Variants in EPB41L4A observed in about 807,000 individuals in gnomAD.
EPB41L4A encodes band 4.1-like protein 4A.
Under a neutral mutation model 108.6 loss-of-function variants are expected in EPB41L4A, and 100 were observed. The ratio of observed to expected loss-of-function variants is 0.92; its 90% CI spans 0.78 to 1.09. EPB41L4A has a LOEUF of 1.09. Ranked by LOEUF, EPB41L4A falls within the 50% of genes least tolerant of loss-of-function variation. The pLI is 0.00. For missense variants in EPB41L4A, 1,030 were observed against 842.7 expected (o/e 1.22, Z -2.75); for synonymous variants, 319 against 289.0 (o/e 1.10, Z -1.05).
intron 2 of EPB41L4A, among the ~76,000 whole-genome samples, chr5:112,293,132 G>A (rs1308925098): frequency 1.3e-5 from 2 of 151,986 alleles, no homozygotes; most frequent in African/African-American, 4.8e-5. Flanking sequence ...GTATGTATAT[G>A]TTGACATTTC....
chr5:112,193,760 G>A (rs1027128808), intron 17 of EPB41L4A, among the ~76,000 whole-genome samples: 2 of 152,218 alleles, frequency 1.3e-5, no homozygotes, highest in Admixed American at 6.5e-5. Context: ...TGCATCGCAC[G>A]ATGTTTAGCA....
intron 4 of EPB41L4A, among the ~76,000 whole-genome samples, chr5:112,270,431 G>A (rs561368527): frequency 1.7e-4 from 26 of 152,184 alleles, no homozygotes; most frequent in African/African-American, 6.3e-4. Context: ...TTAAATATGA[G>A]AGTCAAAGGG....
At chr5:112,200,757 T>C (rs1191275757) in intron 15 of EPB41L4A, among the ~76,000 whole-genome samples, 1 of 152,202 alleles carries the variant, frequency 6.6e-6, no homozygotes, top group African/African-American at 2.4e-5. Flanking sequence ...TGTTTATATG[T>C]ATTTAAATAT....
chr5:112,174,427 T>C (rs1025304317), intron 18 of EPB41L4A, among the ~76,000 whole-genome samples: 1 of 152,230 alleles, frequency 6.6e-6, no homozygotes, highest in Non-Finnish European at 1.5e-5. Context: ...GAGTTGTCCA[T>C]AGGTACGACA....
At chr5:112,359,121 A>G (rs576965030) in intron 1 of EPB41L4A, among the ~76,000 whole-genome samples, 1 of 152,204 alleles carries the variant, frequency 6.6e-6, no homozygotes, top group Non-Finnish European at 1.5e-5. Context: ...TTACACAACT[A>G]TATCTATATG....
chr5:112,308,708 T>G (rs1008637922), intron 1 of EPB41L4A, among the ~76,000 whole-genome samples: 1 of 152,222 alleles, frequency 6.6e-6, no homozygotes, highest in Non-Finnish European at 1.5e-5. Flanking sequence ...TGTGCTCATG[T>G]ACCCATGTAT....
At chr5:112,386,387 T>C (rs1216911665) in intron 1 of EPB41L4A, among the ~76,000 whole-genome samples, 1 of 152,244 alleles carries the variant, frequency 6.6e-6, no homozygotes, top group Non-Finnish European at 1.5e-5. Flanking sequence ...AAATTAATAA[T>C]GTTGATTTCC....
rs1187303776 is a variant in EPB41L4A, at chr5:112,262,654, C to A, written c.555-73G>T. 3.4e-6 allele frequency: 4 copies of A among 1,174,594 alleles called. No homozygotes were observed. In the African/African-American group the frequency reaches 6.1e-5, roughly 18 times the overall value. 72.8% of individuals were successfully genotyped at this position (1,174,594 alleles called of 1,614,324 possible). ...CACTTACAGGGATGCAAACTATCTT[C>A]ATTGTATTCAATGGGAAAACAAATA... is the stretch of plus-strand genomic sequence containing the variant. On this transcript the variant is annotated intron_variant, in intron 6 of 22. Transcript: ENST00000261486.
At chr5:112,293,725 C>A (rs949416887) in intron 2 of EPB41L4A, among the ~76,000 whole-genome samples, 62 of 152,244 alleles carry the variant, frequency 4.1e-4, no homozygotes, top group Middle Eastern at 3.4e-3. Flanking sequence ...GTGCAAGAAG[C>A]GACTTTGGGG....
chr5:112,180,029 A>C (rs1761065809), intron 18 of EPB41L4A, among the ~76,000 whole-genome samples: 1 of 152,184 alleles, frequency 6.6e-6, no homozygotes, highest in Non-Finnish European at 1.5e-5. Context: ...ATACTAAAAA[A>C]CAACTGAAAA....
At chr5:112,177,490 G>A (rs1373284864) in intron 18 of EPB41L4A, among the ~76,000 whole-genome samples, 1 of 152,042 alleles carries the variant, frequency 6.6e-6, no homozygotes, top group Non-Finnish European at 1.5e-5. Flanking sequence ...GCCATCTAGG[G>A]TCATATATTC....
At chr5:112,324,023 CA>C (rs1347666975) in intron 1 of EPB41L4A, among the ~76,000 whole-genome samples, 2 of 152,092 alleles carry the variant, frequency 1.3e-5, no homozygotes, top group Non-Finnish European at 2.9e-5. Context: ...GCTACTTAAC[CA>C]ATGAACCCAA....
chr5:112,385,388 A>C (rs1760444813), intron 1 of EPB41L4A, among the ~76,000 whole-genome samples: 1 of 152,142 alleles, frequency 6.6e-6, no homozygotes, highest in Admixed American at 6.5e-5. Context: ...AGCTGGTAAC[A>C]AGTTTTTAAT....
At chr5:112,378,824 G>C (rs897272514) in intron 1 of EPB41L4A, among the ~76,000 whole-genome samples, 2 of 152,162 alleles carry the variant, frequency 1.3e-5, no homozygotes, top group African/African-American at 2.4e-5. Context: ...GGAAACATGG[G>C]CTGTTTGAAT....
intron 1 of EPB41L4A, among the ~76,000 whole-genome samples, chr5:112,339,544 T>TATATA (rs1561585791): frequency 9.8e-5 from 8 of 81,584 alleles, no homozygotes; most frequent in African/African-American, 2.9e-4. Flanking sequence ...ATATATATAT[T>TATATA]TTTTTTTTAG....
chr5:112,373,204 T>G (rs1415212287), intron 1 of EPB41L4A, among the ~76,000 whole-genome samples: 1 of 152,194 alleles, frequency 6.6e-6, no homozygotes, highest in Non-Finnish European at 1.5e-5. Flanking sequence ...TCTGCTGGCC[T>G]GGGGCAAGCC....
At chr5:112,415,219 C>A (rs1762642870) in intron 1 of EPB41L4A, among the ~76,000 whole-genome samples, 1 of 152,088 alleles carries the variant, frequency 6.6e-6, no homozygotes, top group Non-Finnish European at 1.5e-5. Flanking sequence ...TCAAAACTGA[C>A]TCACAGTATT....
chr5:112,214,263 A>G (rs1432264829), intron 12 of EPB41L4A, among the ~76,000 whole-genome samples: 2 of 152,212 alleles, frequency 1.3e-5, no homozygotes, highest in Non-Finnish European at 2.9e-5. Context: ...GAGTAAAAGG[A>G]AAGACCAAAT....
intron 1 of EPB41L4A, among the ~76,000 whole-genome samples, chr5:112,415,436 T>C (rs963446439): frequency 2.0e-5 from 3 of 152,202 alleles, no homozygotes; most frequent in Non-Finnish European, 2.9e-5. Flanking sequence ...TTCATCATGC[T>C]ACTCAGAGGA....
Sources: gnomAD v4.1 joint callset for allele counts (sites outside exome capture counted in the v4.1 genomes callset) on GRCh38, gnomAD v4.1.1 for gene constraint, MANE v1.5 for transcripts, NCBI Gene and HGNC (gene_info 2026-07-23, HGNC 2026-07-21) for gene names.